The following BRD7 variants were observed in gnomAD, a reference collection of about 807,000 sequenced individuals.
BRD7 encodes the protein bromodomain containing 7, also known as bromodomain-containing protein 7.
BRD7 carries 15 observed loss-of-function variants against 82.1 expected under a neutral mutation model. That is an observed-to-expected ratio of 0.18 (90% CI 0.12 to 0.28). The LOEUF (loss-of-function observed/expected upper bound fraction) is 0.28, where lower values mean the gene tolerates loss of function less well. Ranked by LOEUF, BRD7 falls within the 10% of genes least tolerant of loss-of-function variation. BRD7 has a pLI of 1.00. For synonymous variants in BRD7, 232 were observed against 266.9 expected (o/e 0.87, Z 1.27); for missense variants, 638 against 779.9 (o/e 0.82, Z 2.17).
intron 5 of BRD7, among the ~76,000 whole-genome samples, chr16:50,346,244 A>T (rs1357061103): frequency 6.6e-6 from 1 of 152,250 alleles, no homozygotes; most frequent in Non-Finnish European, 1.5e-5. Flanking sequence ...ACAACATACC[A>T]GAATCTCTGG....
At chr16:50,326,213 T>C (rs747700699) in intron 10 of BRD7, 71 bp downstream of exon 10, 3 of 1,250,366 alleles carry the variant, frequency 2.4e-6, no homozygotes, top group Non-Finnish European at 3.5e-6. Flanking sequence ...GAATAAAGCA[T>C]AATCGTGCTT....
intron 5 of BRD7, among the ~76,000 whole-genome samples, chr16:50,341,317 T>TA (rs2038043755): frequency 6.6e-6 from 1 of 151,934 alleles, no homozygotes; most frequent in Non-Finnish European, 1.5e-5. Context: ...AGACCTTTGT[T>TA]ACAGATATTT....
intron 8 of BRD7, among the ~76,000 whole-genome samples, chr16:50,331,451 T>C (rs576105799): frequency 6.6e-6 from 1 of 152,346 alleles, no homozygotes; most frequent in Non-Finnish European, 1.5e-5. Context: ...TCTGTAATCC[T>C]AGCACTTTGG....
rs1388077702 is a variant in BRD7, at chr16:50,318,552, C to CTT, written c.*657_*658dup. 1 of 152,176 alleles carries CTT rather than the reference C, an allele frequency of 6.6e-6. No individual in the cohort carries two copies. Among genetic ancestry groups the CTT allele is most frequent in the Non-Finnish European group, 1.5e-5 (1 of 68,040 alleles). The allele number at this position is 152,176 out of a possible 1,614,324, so 9.4% of individuals were successfully genotyped here. ...TACTTAGAGTTCAACTCCTTGGGTA[C>CTT]TTGACCTTTGTATTTCAGATAAACA... On this transcript the variant is annotated 3_prime_UTR_variant, in exon 17 of 17. Transcript: ENST00000394688.
At chr16:50,330,732 A>T (rs974047848) in intron 8 of BRD7, among the ~76,000 whole-genome samples, 4 of 142,896 alleles carry the variant, frequency 2.8e-5, no homozygotes, top group Non-Finnish European at 4.4e-5. Context: ...TATTTTATTT[A>T]AAAAAAACAG....
intron 2 of BRD7, among the ~76,000 whole-genome samples, chr16:50,355,950 A>G (rs1343034796): frequency 6.6e-6 from 1 of 152,246 alleles, no homozygotes; most frequent in Non-Finnish European, 1.5e-5. Flanking sequence ...GATTCCATGA[A>G]GAGCATCTAT....
At chr16:50,351,154 C>A (rs2038506167) in intron 4 of BRD7, among the ~76,000 whole-genome samples, 1 of 152,024 alleles carries the variant, frequency 6.6e-6, no homozygotes, top group Non-Finnish European at 1.5e-5. Context: ...GTTGCTAGTC[C>A]CAGTGGTAGG....
At chr16:50,343,800 CG>C (rs1246474386) in intron 5 of BRD7, among the ~76,000 whole-genome samples, 1 of 152,166 alleles carries the variant, frequency 6.6e-6, no homozygotes, top group African/African-American at 2.4e-5. Context: ...ACAAAGCCAC[CG>C]GGAAGCTCGA....
chr16:50,351,288 A>T (rs1256911062), intron 4 of BRD7, among the ~76,000 whole-genome samples: 1 of 152,212 alleles, frequency 6.6e-6, no homozygotes, highest in Non-Finnish European at 1.5e-5. Flanking sequence ...CATTAAATAA[A>T]AGAGTAGAAA....
At chr16:50,338,238 T>A (rs981399838) in intron 6 of BRD7, among the ~76,000 whole-genome samples, 4 of 152,256 alleles carry the variant, frequency 2.6e-5, no homozygotes, top group African/African-American at 4.8e-5. Context: ...AAACATTTCA[T>A]ATTCCTCTTT....
At chr16:50,327,321 CCACA>C (rs1471241864) in intron 9 of BRD7, among the ~76,000 whole-genome samples, 1 of 152,178 alleles carries the variant, frequency 6.6e-6, no homozygotes, top group Non-Finnish European at 1.5e-5. Flanking sequence ...AGGACAGAGA[CCACA>C]CTCGGCTTCA....
intron 8 of BRD7, 95 bp downstream of exon 8, chr16:50,333,479 G>C: frequency 6.8e-7 from 1 of 1,476,358 alleles, no homozygotes; most frequent in Non-Finnish European, 9.3e-7. Flanking sequence ...CTCTATGGCA[G>C]ATATGGATTA....
intron 12 of BRD7, among the ~76,000 whole-genome samples, chr16:50,323,239 C>A (rs1181720923): frequency 6.6e-6 from 1 of 152,212 alleles, no homozygotes; most frequent in East Asian, 1.9e-4. Context: ...CGAGGAAAAG[C>A]CATTCCCTAT....
chr16:50,319,974 T>C lies in BRD7; in HGVS notation c.1813A>G (p.Ile605Val), dbSNP rs1401189313. ...ELAQQVTPGD[I>V]VSTYGVRKAM... ...TTTCGAACTCCATACGTGCTTACGA[T>C]ATCACCTGGAGTTACTTGCTGTGCA... Residue 605 changes from isoleucine (I) to valine (V), a missense_variant, in exon 16 of 17, where the codon ATC becomes GTC. This residue lies in a region of BRD7 where 402 missense variants were observed against 500.8 expected (regional missense o/e 0.80). Coordinates refer to ENST00000394688, the MANE Select transcript of BRD7 (RefSeq NM_013263.5). 3 of 1,613,602 alleles carry C rather than the reference T, an allele frequency of 1.9e-6. No homozygotes were observed. The highest frequency in any genetic ancestry group is 2.2e-5 in the South Asian group (2 of 91,024).
At chr16:50,341,231 A>G (rs962886612) in intron 5 of BRD7, among the ~76,000 whole-genome samples, 1 of 149,834 alleles carries the variant, frequency 6.7e-6, no homozygotes, top group African/African-American at 2.5e-5. Flanking sequence ...GCTGAACACA[A>G]AAGTCTTCAT....
At chr16:50,329,134 G>A (rs1234234293) in intron 8 of BRD7, among the ~76,000 whole-genome samples, 1 of 152,108 alleles carries the variant, frequency 6.6e-6, no homozygotes, top group Non-Finnish European at 1.5e-5. Context: ...AACCACAAAG[G>A]CTTATTTTAA....
intron 5 of BRD7, among the ~76,000 whole-genome samples, chr16:50,340,459 TA>T (rs1239889312): frequency 2.6e-5 from 4 of 151,932 alleles, no homozygotes; most frequent in African/African-American, 9.7e-5. Flanking sequence ...TTCATGTAAA[TA>T]AAAAAAATAT....
intron 5 of BRD7, among the ~76,000 whole-genome samples, chr16:50,342,403 ATC>A (rs1392770693): frequency 6.6e-6 from 1 of 151,626 alleles, no homozygotes; most frequent in Non-Finnish European, 1.5e-5. Flanking sequence ...TTCTTCATAA[ATC>A]TCTGCTTATC....
chr16:50,348,161 A>C (rs907819990), intron 5 of BRD7, among the ~76,000 whole-genome samples: 3 of 152,256 alleles, frequency 2.0e-5, no homozygotes, highest in Non-Finnish European at 4.4e-5. Flanking sequence ...GAAAGGGAGA[A>C]AGAATTCCCT....
Sources: gnomAD v4.1 joint callset for allele counts (sites outside exome capture counted in the v4.1 genomes callset) on GRCh38, gnomAD v4.1.1 for gene constraint, gnomAD v4.1.1 regional missense constraint, MANE v1.5 for transcripts, NCBI Gene and HGNC (gene_info 2026-07-23, HGNC 2026-07-21) for gene names.